CNTNAP2: variants seen among roughly 807,000 people sequenced by gnomAD.
CNTNAP2 encodes the protein contactin-associated protein-like 2.
In CNTNAP2, 98 loss-of-function variants were observed where a neutral mutation model predicts 155.2. That is an observed-to-expected ratio of 0.63 (90% CI 0.54 to 0.75). CNTNAP2 has a LOEUF of 0.75. Among genes scored for constraint, CNTNAP2 ranks in the 30% least tolerant of loss-of-function variants. CNTNAP2 has a pLI of 0.00. For synonymous variants in CNTNAP2, 651 were observed against 631.2 expected, an observed-to-expected ratio of 1.03 and a Z score of -0.47; for missense variants, 1,727 against 1,688.1, an observed-to-expected ratio of 1.02 and a Z score of -0.40.
intron 1 of CNTNAP2, among the ~76,000 whole-genome samples, chr7:146,758,858 G>A (rs1328335343): frequency 6.6e-6 from 1 of 152,042 alleles, no homozygotes; most frequent in Non-Finnish European, 1.5e-5. Context: ...GAACTTTCAG[G>A]ACTTGAATCT....
At chr7:146,972,232 T>TTTACTAACCTTTA (rs1259047266) in intron 3 of CNTNAP2, among the ~76,000 whole-genome samples, 2 of 152,196 alleles carry the variant, frequency 1.3e-5, no homozygotes, top group African/African-American at 4.8e-5. Flanking sequence ...CTTTAATAAT[T>TTTACTAACCTTTA]TTACTAACCT....
At chr7:146,584,880 A>G (rs1010862014) in intron 1 of CNTNAP2, among the ~76,000 whole-genome samples, 2 of 152,160 alleles carry the variant, frequency 1.3e-5, no homozygotes, top group Admixed American at 6.5e-5. Context: ...CTGTATGAAG[A>G]AGGGAATGAT....
Position 148,267,018 on chromosome 7 carries a change from G to C in CNTNAP2, c.3382-15G>C. 1 of 1,612,984 alleles carries C rather than the reference G, an allele frequency of 6.2e-7. No homozygotes were observed. The highest frequency in any genetic ancestry group is 8.5e-7 in the Non-Finnish European group (1 of 1,178,988). The stretch of plus-strand genomic sequence containing the variant: ...AGACGTGCTTCTAAAAGTGTCTCTT[G>C]TTTTCCTCCTGCAGCTCGATCATTA... On this transcript the variant is annotated splice_polypyrimidine_tract_variant and intron_variant, in intron 20 of 23. Coordinates refer to ENST00000361727, the MANE Select transcript of CNTNAP2 (RefSeq NM_014141.6).
chr7:147,147,331 G>C lies in CNTNAP2; in HGVS notation c.1348+14822G>C, dbSNP rs12667621. Among the ~76,000 whole-genome samples the C allele has an allele frequency of 5.7e-3, 872 of 152,230 alleles. 5 individuals carry two copies. The highest frequency in any genetic ancestry group is 0.042 in the East Asian group (215 of 5,170). ...TACAATTCAAGATGAGATTTGGGTGGAGATACAACCAAACCATATCAGTAT... is the reference window on the plus strand; with the variant it reads ...TACAATTCAAGATGAGATTTGGGTGCAGATACAACCAAACCATATCAGTAT... On this transcript the variant is annotated intron_variant, in intron 8 of 23. Coordinates refer to ENST00000361727, the MANE Select transcript of CNTNAP2 (RefSeq NM_014141.6).
At chr7:146,573,289 C>T (rs185415900) in intron 1 of CNTNAP2, among the ~76,000 whole-genome samples, 101 of 152,212 alleles carry the variant, frequency 6.6e-4, no homozygotes, top group Non-Finnish European at 1.6e-4. Flanking sequence ...ACTACCAGTG[C>T]ACGCCACCAT....
chr7:148,322,186 G>C (rs903740495), intron 21 of CNTNAP2, among the ~76,000 whole-genome samples: 2 of 152,190 alleles, frequency 1.3e-5, no homozygotes, highest in East Asian at 3.8e-4. Context: ...GCCTCCCAAA[G>C]TGCTAGTATT....
At chr7:146,991,040 T>A (rs1444546506) in intron 3 of CNTNAP2, among the ~76,000 whole-genome samples, 2 of 152,082 alleles carry the variant, frequency 1.3e-5, no homozygotes, top group Admixed American at 6.5e-5. Context: ...CAGTGCCTAC[T>A]GGTTTCAGTT....
At chr7:146,870,831 G>T (rs984861056) in intron 3 of CNTNAP2, among the ~76,000 whole-genome samples, 3 of 151,992 alleles carry the variant, frequency 2.0e-5, no homozygotes, top group Non-Finnish European at 4.4e-5. Flanking sequence ...CTATATTAAT[G>T]CTCCTGAGAA....
rs576591651 is a variant in CNTNAP2, at chr7:147,259,822, C to A, written c.1349-40319C>A. On this transcript the variant is annotated intron_variant, in intron 8 of 23. Coordinates refer to ENST00000361727, the MANE Select transcript of CNTNAP2 (RefSeq NM_014141.6). ...CTAGAGAAGTAGAGAATGCTGTATT[C>A]TTTATATTATCCAAACTATTCAATT... is the stretch of plus-strand genomic sequence containing the variant. 6.6e-5 allele frequency among the ~76,000 whole-genome samples: 10 copies of A among 152,274 alleles called. No homozygotes were observed. The South Asian group carries it at 1.9e-3, about 28-fold the overall frequency.
At chr7:147,550,711 G>T (rs1264197797) in intron 11 of CNTNAP2, among the ~76,000 whole-genome samples, 1 of 152,160 alleles carries the variant, frequency 6.6e-6, no homozygotes. Flanking sequence ...GAAAGACAAT[G>T]CCAGGCAACT....
intron 21 of CNTNAP2, among the ~76,000 whole-genome samples, chr7:148,351,945 C>T (rs1212418299): frequency 6.6e-6 from 1 of 152,054 alleles, no homozygotes; most frequent in African/African-American, 2.4e-5. Context: ...GAAGGCTTCT[C>T]CACTCCTGCC....
intron 1 of CNTNAP2, among the ~76,000 whole-genome samples, chr7:146,683,494 A>G (rs569783413): frequency 6.6e-6 from 1 of 152,286 alleles, no homozygotes; most frequent in South Asian, 2.1e-4. Flanking sequence ...GACCAGATGA[A>G]CTCAAACTAC....
chr7:147,604,368 A>C (rs1298043611), intron 12 of CNTNAP2, among the ~76,000 whole-genome samples: 1 of 152,208 alleles, frequency 6.6e-6, no homozygotes, highest in Non-Finnish European at 1.5e-5. Context: ...AACTCAAACA[A>C]ATTTACAAGA....
At chr7:147,923,682 TAAA>T (rs60790085) in intron 14 of CNTNAP2, among the ~76,000 whole-genome samples, 2 of 144,750 alleles carry the variant, frequency 1.4e-5, no homozygotes, top group Admixed American at 6.9e-5. Flanking sequence ...CCCAGCTAAT[TAAA>T]AAAAAAAAAA....
intron 1 of CNTNAP2, among the ~76,000 whole-genome samples, chr7:146,437,233 A>G (rs1466401998): frequency 4.6e-5 from 7 of 151,230 alleles, no homozygotes. Flanking sequence ...GAAACCATCT[A>G]CCCCAACCTC....
intron 6 of CNTNAP2, among the ~76,000 whole-genome samples, chr7:147,123,741 A>G (rs886290761): frequency 6.6e-6 from 1 of 152,106 alleles, no homozygotes; most frequent in South Asian, 2.1e-4. Context: ...ATTTGTTTAG[A>G]AAAAACCTCA....
Position 147,105,398 on chromosome 7 carries a change from A to G in CNTNAP2, c.551-2749A>G, listed in dbSNP as rs186745310. Among the ~76,000 whole-genome samples, 9 of 152,122 alleles carry G rather than the reference A, an allele frequency of 5.9e-5. No individual in the cohort carries two copies. The East Asian group carries it at 1.5e-3, about 26-fold the overall frequency. Reference sequence around the variant, plus strand: ...TTGCTTAAACAGTTCAACCATACATATTTAATCACCGCATCGAAAACTTAA... The same window carrying G: ...TTGCTTAAACAGTTCAACCATACATGTTTAATCACCGCATCGAAAACTTAA... On this transcript the variant is annotated intron_variant, in intron 4 of 23. Transcript: ENST00000361727.
chr7:148,183,764 G>C (rs1036598637), intron 18 of CNTNAP2, among the ~76,000 whole-genome samples: 1 of 152,122 alleles, frequency 6.6e-6, no homozygotes, highest in African/African-American at 2.4e-5. Flanking sequence ...TTACAGTCAT[G>C]AGCCACCATG....
chr7:148,074,144 G>A (rs976327522), intron 15 of CNTNAP2, among the ~76,000 whole-genome samples: 4 of 152,136 alleles, frequency 2.6e-5, no homozygotes, highest in East Asian at 3.8e-4. Flanking sequence ...AAGAGAGCCC[G>A]TTATTGGAAC....
Sources: gnomAD v4.1 joint callset for allele counts (sites outside exome capture counted in the v4.1 genomes callset) on GRCh38, gnomAD v4.1.1 for gene constraint, MANE v1.5 for transcripts, NCBI Gene and HGNC (gene_info 2026-07-23, HGNC 2026-07-21) for gene names.